Variants in WDR41 observed in about 807,000 individuals in gnomAD.
WDR41 encodes the protein WD repeat domain 41.
Under a neutral mutation model 69.3 loss-of-function variants are expected in WDR41, and 63 were observed. The ratio of observed to expected loss-of-function variants is 0.91; its 90% CI spans 0.74 to 1.12. The LOEUF is 1.12. WDR41 is among the 50% of genes most tolerant of loss of function. The pLI is 0.00. For synonymous variants in WDR41, 185 were observed against 192.1 expected, an observed-to-expected ratio of 0.96 and a Z score of 0.31; for missense variants, 543 against 534.5, an observed-to-expected ratio of 1.02 and a Z score of -0.16.
intron 1 of WDR41, among the ~76,000 whole-genome samples, chr5:77,558,120 A>AAAAAC (rs1743447828): frequency 1.3e-5 from 2 of 150,642 alleles, no homozygotes; most frequent in East Asian, 3.9e-4. Flanking sequence ...AAAAAAACAA[A>AAAAAC]ACAGGAGTAG....
intron 1 of WDR41, among the ~76,000 whole-genome samples, chr5:77,602,159 G>A (rs1463568019): frequency 6.9e-6 from 1 of 144,496 alleles, no homozygotes; most frequent in Non-Finnish European, 1.5e-5. Context: ...TTTTTTTTTA[G>A]ATGGAGTTTC....
At chr5:77,463,478 T>G (rs1455087130) in intron 3 of WDR41, among the ~76,000 whole-genome samples, 7 of 152,164 alleles carry the variant, frequency 4.6e-5, no homozygotes, top group Non-Finnish European at 1.5e-5. Context: ...GAGTATTTTT[T>G]TCTATAAATT....
chr5:77,604,222 C>A (rs1744374341), intron 1 of WDR41, among the ~76,000 whole-genome samples: 1 of 151,960 alleles, frequency 6.6e-6, no homozygotes, highest in South Asian at 2.1e-4. Context: ...GATGTCTTTC[C>A]ACTTGTTTAT....
chr5:77,464,515 G>A (rs145382384), intron 3 of WDR41, among the ~76,000 whole-genome samples: 59 of 151,700 alleles, frequency 3.9e-4, no homozygotes, highest in African/African-American at 1.4e-3. Context: ...CCAAAGTCCT[G>A]GGATTACAGG....
chr5:77,449,888 A>G lies in WDR41; in HGVS notation c.587-18T>C, dbSNP rs764449547. 2 of 1,509,272 alleles carry G rather than the reference A, an allele frequency of 1.3e-6. No homozygotes were observed. The highest frequency in any genetic ancestry group is 1.1e-5 in the South Asian group (1 of 88,246). The allele number at this position is 1,509,272 out of a possible 1,614,324, so 93.5% of individuals were successfully genotyped here. ...GAAAATTACTAAATGAAAAAGACAG[A>G]TAAAATTTTATTACAATGCTCTAAG... On this transcript the variant is annotated intron_variant, in intron 7 of 12. Coordinates refer to ENST00000296679, the MANE Select transcript of WDR41 (RefSeq NM_018268.4).
chr5:77,565,682 C>T (rs1328853654), intron 1 of WDR41, among the ~76,000 whole-genome samples: 2 of 152,134 alleles, frequency 1.3e-5, no homozygotes, highest in African/African-American at 4.8e-5. Context: ...CAAAGATGAG[C>T]CCCATCTGAC....
intron 1 of WDR41, among the ~76,000 whole-genome samples, chr5:77,532,672 T>C (rs1802545387): frequency 6.6e-6 from 1 of 152,008 alleles, no homozygotes; most frequent in Non-Finnish European, 1.5e-5. Context: ...TTGAATCTCC[T>C]AAACATAATA....
chr5:77,493,807 G>C (rs1307461030), upstream of WDR41, among the ~76,000 whole-genome samples: 1 of 152,154 alleles, frequency 6.6e-6, no homozygotes, highest in Non-Finnish European at 1.5e-5. Context: ...TTATTCTTCT[G>C]ATTATCCACA....
intron 1 of WDR41, among the ~76,000 whole-genome samples, chr5:77,522,416 C>T (rs931339309): frequency 1.3e-5 from 2 of 151,974 alleles, no homozygotes; most frequent in East Asian, 1.9e-4. Context: ...CCAAGGCAGG[C>T]GGATCACAAG....
chr5:77,461,466 A>G (rs56402223), intron 4 of WDR41, among the ~76,000 whole-genome samples: 2,763 of 152,344 alleles, frequency 0.018, 35 homozygotes, highest in Middle Eastern at 0.061. Flanking sequence ...AGAAACACCT[A>G]TACTTTTGGG....
chr5:77,476,080 A>T (rs1800910533), intron 2 of WDR41, among the ~76,000 whole-genome samples: 4 of 152,010 alleles, frequency 2.6e-5, no homozygotes, highest in Admixed American at 2.0e-4. Flanking sequence ...CAGCGATGGA[A>T]GATGAAATGA....
At chr5:77,566,499 T>C (rs1037523452) in intron 1 of WDR41, among the ~76,000 whole-genome samples, 10 of 152,120 alleles carry the variant, frequency 6.6e-5, no homozygotes, top group African/African-American at 2.4e-4. Context: ...ACCCAAACTG[T>C]CCATTCTGAA....
At chr5:77,508,762 A>C (rs925642020) in intron 1 of WDR41, among the ~76,000 whole-genome samples, 1 of 152,044 alleles carries the variant, frequency 6.6e-6, no homozygotes, top group African/African-American at 2.4e-5. Flanking sequence ...TTGTGTACTT[A>C]GTAGCTTTGC....
intron 7 of WDR41, among the ~76,000 whole-genome samples, chr5:77,450,360 C>T (rs1189428642): frequency 6.6e-6 from 1 of 152,144 alleles, no homozygotes; most frequent in Non-Finnish European, 1.5e-5. Context: ...TAGGCATATA[C>T]CATTAAATTA....
chr5:77,443,069 C>G (rs946923057), intron 8 of WDR41, among the ~76,000 whole-genome samples: 2 of 151,460 alleles, frequency 1.3e-5, no homozygotes, highest in African/African-American at 4.9e-5. Context: ...GTCTAGAAAC[C>G]CAAGTTCTGA....
intron 1 of WDR41, among the ~76,000 whole-genome samples, chr5:77,549,507 A>G (rs1743258259): frequency 6.6e-6 from 1 of 152,076 alleles, no homozygotes; most frequent in Non-Finnish European, 1.5e-5. Context: ...TCATTTTACA[A>G]TAGCCGCTCC....
At chr5:77,579,464 G>C (rs1743895154) in intron 1 of WDR41, among the ~76,000 whole-genome samples, 3 of 151,976 alleles carry the variant, frequency 2.0e-5, no homozygotes, top group Non-Finnish European at 4.4e-5. Flanking sequence ...AACTCAATAA[G>C]ATTAACAGCA....
chr5:77,500,213 T>C (rs1256084464), intron 1 of WDR41, among the ~76,000 whole-genome samples: 1 of 151,994 alleles, frequency 6.6e-6, no homozygotes, highest in Non-Finnish European at 1.5e-5. Context: ...AAACAAACAT[T>C]AAAACACAAT....
intron 1 of WDR41, among the ~76,000 whole-genome samples, chr5:77,571,787 G>A (rs893165145): frequency 1.3e-5 from 2 of 152,058 alleles, no homozygotes; most frequent in Admixed American, 6.6e-5. Context: ...TCACTCTCTC[G>A]TCCAGGAGCA....
Sources: gnomAD v4.1 joint callset for allele counts (sites outside exome capture counted in the v4.1 genomes callset) on GRCh38, gnomAD v4.1.1 for gene constraint, MANE v1.5 for transcripts, NCBI Gene and HGNC (gene_info 2026-07-23, HGNC 2026-07-21) for gene names.